The following CDYL2 variants were observed in gnomAD, a reference collection of about 807,000 sequenced individuals.
The protein encoded by CDYL2 is chromodomain Y-like protein 2.
A neutral mutation model predicts 49.4 loss-of-function variants in CDYL2; 23 were observed. That is an observed-to-expected ratio of 0.47 (90% CI 0.34 to 0.66). The LOEUF (loss-of-function observed/expected upper bound fraction) is 0.66, where lower values mean the gene tolerates loss of function less well. Among genes scored for constraint, CDYL2 ranks in the 30% least tolerant of loss-of-function variants. CDYL2 has a pLI of 0.01. For missense variants in CDYL2, 678 were observed against 656.4 expected (o/e 1.03, Z -0.36); for synonymous variants, 360 against 268.8 (o/e 1.34, Z -3.32).
intron 2 of CDYL2, among the ~76,000 whole-genome samples, chr16:80,651,032 G>A (rs1158285649): frequency 6.6e-6 from 1 of 152,006 alleles, no homozygotes; most frequent in Admixed American, 6.6e-5. Context: ...CAATGAATAA[G>A]ACCTAGTATA....
At chr16:80,792,639 A>G (rs1052751942) in intron 1 of CDYL2, among the ~76,000 whole-genome samples, 1 of 152,154 alleles carries the variant, frequency 6.6e-6, no homozygotes, top group African/African-American at 2.4e-5. Flanking sequence ...ACAGAGACTC[A>G]CCTACCAGTA....
At chr16:80,652,026 T>A (rs1033844149) in intron 2 of CDYL2, among the ~76,000 whole-genome samples, 1 of 152,206 alleles carries the variant, frequency 6.6e-6, no homozygotes, top group African/African-American at 2.4e-5. Flanking sequence ...TAAAGATGGC[T>A]GCATACAGAA....
chr16:80,790,646 G>A (rs1907578955), intron 1 of CDYL2, among the ~76,000 whole-genome samples: 1 of 152,120 alleles, frequency 6.6e-6, no homozygotes, highest in Non-Finnish European at 1.5e-5. Flanking sequence ...AAAGTTACAG[G>A]TGCTTTGGAT....
chr16:80,767,919 G>A lies in CDYL2; in HGVS notation c.24+36231C>T, dbSNP rs1906780543. Among the ~76,000 whole-genome samples, 4 of 152,166 alleles carry A rather than the reference G, an allele frequency of 2.6e-5. No individual in the cohort carries two copies. The South Asian group carries it at 8.3e-4, about 32-fold the overall frequency. ...TCTGTCTGCTACTGCAAATATTAGT[G>A]AAAATGGCTTCTCTGGAGCAACTTT... On this transcript the variant is annotated intron_variant, in intron 1 of 6. Transcript: ENST00000570137.
chr16:80,629,610 T>C (rs570254345), intron 3 of CDYL2, among the ~76,000 whole-genome samples: 2 of 152,326 alleles, frequency 1.3e-5, no homozygotes, highest in South Asian at 2.1e-4. Context: ...TTAAGGGGCA[T>C]TTCTGTTCAT....
At chr16:80,740,432 T>C (rs1225357376) in intron 1 of CDYL2, among the ~76,000 whole-genome samples, 1 of 152,200 alleles carries the variant, frequency 6.6e-6, no homozygotes, top group Non-Finnish European at 1.5e-5. Flanking sequence ...CACCCACCCA[T>C]CCAAGTTCTG....
chr16:80,804,136 C>T lies in CDYL2; in HGVS notation c.24+14G>A, dbSNP rs1463653348. The T allele has an allele frequency of 3.3e-6, 4 of 1,197,752 alleles. No homozygotes were observed. In the African/African-American group the frequency reaches 6.6e-5, roughly 20 times the overall value. 74.2% of individuals were successfully genotyped at this position (1,197,752 alleles called of 1,614,324 possible). On this transcript the variant is annotated intron_variant, in intron 1 of 6. Coordinates refer to ENST00000570137, the MANE Select transcript of CDYL2 (RefSeq NM_152342.4). ...CGCTGACTGGGGCCGGCCCGCGCCC[C>T]CGCGTCCCCGTACCTCGTAAAGGTC...
At chr16:80,676,477 C>G (rs1295672599) in intron 2 of CDYL2, among the ~76,000 whole-genome samples, 1 of 152,082 alleles carries the variant, frequency 6.6e-6, no homozygotes, top group Admixed American at 6.5e-5. Flanking sequence ...GGGCCACTGC[C>G]GATGACAGTC....
rs565026772 is a variant in CDYL2 at position 80,745,015 on chromosome 16, T to G, written c.24+59135A>C. Among the ~76,000 whole-genome samples, 6 of 152,106 alleles carry G rather than the reference T, an allele frequency of 3.9e-5. No individual in the cohort carries two copies. In the East Asian group the frequency reaches 7.8e-4, roughly 20 times the overall value. On this transcript the variant is annotated intron_variant, in intron 1 of 6. Transcript: ENST00000570137. Reference sequence around the variant, plus strand: ...TGTGAAAAACCCCTGACCTACAGGGTGAGTGACAGATACAGGATGACGAAA... The same window carrying G: ...TGTGAAAAACCCCTGACCTACAGGGGGAGTGACAGATACAGGATGACGAAA...
At position 80,712,328 on chromosome 16, in the gene CDYL2, T is replaced by C. The variant is rs115715291; in HGVS notation, c.25-27199A>G. ...TAGCCACTGGATCACCTGGAGACCATGCATAAGACCCCCAGTGCAAACTAT... is the reference window on the plus strand; with the variant it reads ...TAGCCACTGGATCACCTGGAGACCACGCATAAGACCCCCAGTGCAAACTAT... On this transcript the variant is annotated intron_variant, in intron 1 of 6. Transcript: ENST00000570137. 3.2e-3 allele frequency among the ~76,000 whole-genome samples: 479 copies of C among 151,796 alleles called. 3 individuals are homozygous for C. Among genetic ancestry groups the C allele is most frequent in the African/African-American group, 0.011 (461 of 41,388 alleles).
chr16:80,723,429 T>A (rs1905062900), intron 1 of CDYL2, among the ~76,000 whole-genome samples: 1 of 152,188 alleles, frequency 6.6e-6, no homozygotes, highest in African/African-American at 2.4e-5. Context: ...CTGGGATGTT[T>A]CTAAGTAAGA....
At chr16:80,636,992 G>A (rs1907859058) in intron 2 of CDYL2, among the ~76,000 whole-genome samples, 1 of 152,150 alleles carries the variant, frequency 6.6e-6, no homozygotes, top group Non-Finnish European at 1.5e-5. Context: ...TCATAAGTGA[G>A]AGTTGAACAA....
intron 1 of CDYL2, among the ~76,000 whole-genome samples, chr16:80,779,333 C>T (rs1333257217): frequency 6.7e-6 from 1 of 148,688 alleles, no homozygotes; most frequent in Non-Finnish European, 1.5e-5. Flanking sequence ...AAATGAAAAA[C>T]ACCTCTCAAG....
chr16:80,652,707 T>C (rs182143600), intron 2 of CDYL2, among the ~76,000 whole-genome samples: 2 of 152,256 alleles, frequency 1.3e-5, no homozygotes, highest in South Asian at 4.2e-4. Context: ...TTCTTAGTCT[T>C]TATGAACTAT....
intron 1 of CDYL2, among the ~76,000 whole-genome samples, chr16:80,696,660 C>A: frequency 6.8e-6 from 1 of 148,110 alleles, no homozygotes; most frequent in Non-Finnish European, 1.5e-5. Context: ...ACAGGAAATA[C>A]AAAATAGAAA....
At chr16:80,729,860 A>G (rs1453363612) in intron 1 of CDYL2, among the ~76,000 whole-genome samples, 2 of 152,246 alleles carry the variant, frequency 1.3e-5, no homozygotes, top group Admixed American at 6.5e-5. Flanking sequence ...TACTGGGTGC[A>G]TAACGAAATG....
At chr16:80,656,111 G>T (rs191711877) in intron 2 of CDYL2, among the ~76,000 whole-genome samples, 12 of 152,292 alleles carry the variant, frequency 7.9e-5, no homozygotes, top group Non-Finnish European at 1.5e-4. Flanking sequence ...TATTTTAAAA[G>T]GTAGGGGCTA....
intron 1 of CDYL2, among the ~76,000 whole-genome samples, chr16:80,687,092 T>C (rs1272215316): frequency 2.6e-5 from 4 of 152,256 alleles, no homozygotes; most frequent in Non-Finnish European, 4.4e-5. Flanking sequence ...TTTGCTCTTT[T>C]TGTGAACATT....
intron 1 of CDYL2, among the ~76,000 whole-genome samples, chr16:80,728,082 G>T (rs1333071459): frequency 6.6e-6 from 1 of 152,212 alleles, no homozygotes. Context: ...CACCAGCAAT[G>T]GAACAAAGCT....
Sources: gnomAD v4.1 joint callset for allele counts (sites outside exome capture counted in the v4.1 genomes callset) on GRCh38, gnomAD v4.1.1 for gene constraint, MANE v1.5 for transcripts, NCBI Gene and HGNC (gene_info 2026-07-23, HGNC 2026-07-21) for gene names.